LUZP1: variants seen among roughly 807,000 people sequenced by gnomAD.
The protein encoded by LUZP1 is filamin mechanobinding actin cross-linking protein.
In LUZP1, 25 loss-of-function variants were observed where a neutral mutation model predicts 71.3. The ratio of observed to expected loss-of-function variants is 0.35; its 90% CI spans 0.26 to 0.49. The LOEUF is 0.49. Ranked by LOEUF, LUZP1 falls within the 20% of genes least tolerant of loss-of-function variation. LUZP1 has a pLI of 0.99. For synonymous variants in LUZP1, 481 were observed against 506.4 expected, an observed-to-expected ratio of 0.95 and a Z score of 0.67; for missense variants, 1,142 against 1,300.8, an observed-to-expected ratio of 0.88 and a Z score of 1.88.
intron 3 of LUZP1, among the ~76,000 whole-genome samples, chr1:23,102,902 T>TATTTC (rs765987707): frequency 6.6e-6 from 1 of 152,202 alleles, no homozygotes; most frequent in Admixed American, 6.5e-5. Flanking sequence ...TTTTATTTTA[T>TATTTC]ATTTCATTTC....
chr1:23,128,014 C>T (rs1043926304), intron 2 of LUZP1, among the ~76,000 whole-genome samples: 5 of 151,950 alleles, frequency 3.3e-5, no homozygotes, highest in African/African-American at 1.2e-4. Flanking sequence ...GCCTGTAATC[C>T]CAGCTACTCG....
intron 2 of LUZP1, among the ~76,000 whole-genome samples, chr1:23,134,291 G>A (rs1457997470): frequency 6.6e-6 from 1 of 151,892 alleles, no homozygotes; most frequent in Non-Finnish European, 1.5e-5. Flanking sequence ...GACCAGCCTG[G>A]GCAACACAGC....
intron 2 of LUZP1, among the ~76,000 whole-genome samples, chr1:23,129,278 C>G (rs945928993): frequency 6.6e-6 from 1 of 152,090 alleles, no homozygotes; most frequent in African/African-American, 2.4e-5. Flanking sequence ...TATCAAAACC[C>G]AGATTATAAA....
chr1:23,131,476 A>C (rs1644214579), intron 2 of LUZP1, among the ~76,000 whole-genome samples: 1 of 152,058 alleles, frequency 6.6e-6, no homozygotes, highest in Non-Finnish European at 1.5e-5. Flanking sequence ...GTCTCTCCCA[A>C]CTAGTATGTA....
Position 23,094,069 on chromosome 1 carries a change from T to C in LUZP1, c.193A>G (p.Ile65Val), listed in dbSNP as rs1643879842. 3.1e-6 allele frequency: 5 copies of C among 1,614,174 alleles called. No individual in the cohort carries two copies. Among genetic ancestry groups the C allele is most frequent in the Non-Finnish European group, 4.2e-6 (5 of 1,180,034 alleles). Residue 65 changes from isoleucine (I) to valine (V), a missense_variant, in exon 4 of 5, where the codon ATT (isoleucine) becomes GTT (valine). Ile to Val is a conservative substitution (Grantham distance 29). Transcript: ENST00000302291. The surrounding 1 kb of genome is among the most constrained non-coding windows in gnomAD (Gnocchi z 4.7). ...AGCACCCGCTGGCGCAGCACTTCAA[T>C]CTCCGCCAACATGCTGGAGTTGCTA...
At chr1:23,157,989 G>A (rs1644433761) in intron 2 of LUZP1, among the ~76,000 whole-genome samples, 2 of 152,008 alleles carry the variant, frequency 1.3e-5, no homozygotes, top group East Asian at 1.9e-4. Flanking sequence ...TCCAGCCTGG[G>A]CAACAGAATG....
chr1:23,112,624 C>G (rs1644042933), intron 2 of LUZP1, among the ~76,000 whole-genome samples: 1 of 152,192 alleles, frequency 6.6e-6, no homozygotes, highest in African/African-American at 2.4e-5. Context: ...CAAAAACTAT[C>G]TGAAGTGAAC....
intron 1 of LUZP1, among the ~76,000 whole-genome samples, chr1:23,173,655 C>A (rs534142005): frequency 2.6e-5 from 4 of 152,164 alleles, no homozygotes; most frequent in East Asian, 3.9e-4. Context: ...CTGTGCCCAG[C>A]CTGTTTTGCT....
intron 2 of LUZP1, among the ~76,000 whole-genome samples, chr1:23,131,920 A>G (rs1644218776): frequency 6.6e-6 from 1 of 152,172 alleles, no homozygotes; most frequent in African/African-American, 2.4e-5. Context: ...TCCTGACCTC[A>G]GGTGATTCAC....
At chr1:23,099,496 AACTGTAGCATTCTCTCAGC>A (rs1200212848) in intron 3 of LUZP1, among the ~76,000 whole-genome samples, 6 of 152,198 alleles carry the variant, frequency 3.9e-5, no homozygotes, top group Admixed American at 3.9e-4. Flanking sequence ...CTTATCCTCA[AACTGTAGCATTCTCTCAGC>A]ACATCTTATT....
At chr1:23,157,033 T>G (rs534419143) in intron 2 of LUZP1, among the ~76,000 whole-genome samples, 11 of 152,326 alleles carry the variant, frequency 7.2e-5, no homozygotes, top group African/African-American at 2.4e-4. Context: ...GTCACTAAAA[T>G]AAATACATAA....
intron 3 of LUZP1, among the ~76,000 whole-genome samples, chr1:23,106,939 C>T (rs556362942): frequency 6.6e-6 from 1 of 152,338 alleles, no homozygotes; most frequent in East Asian, 1.9e-4. Flanking sequence ...GAATACAATG[C>T]ACTCCAAAGG....
At chr1:23,105,890 A>C (rs1643977376) in intron 3 of LUZP1, among the ~76,000 whole-genome samples, 3 of 152,162 alleles carry the variant, frequency 2.0e-5, no homozygotes, top group Non-Finnish European at 4.4e-5. Context: ...GGATCACATG[A>C]GAAAACATTA....
At chr1:23,175,603 C>T (rs553181539) in intron 1 of LUZP1, among the ~76,000 whole-genome samples, 1 of 152,306 alleles carries the variant, frequency 6.6e-6, no homozygotes, top group East Asian at 1.9e-4. Flanking sequence ...CCCTTTCTGT[C>T]CCTAGTACAG....
exon 5 of LUZP1, chr1:23,087,005 A>G (rs1211915270): frequency 6.6e-6 from 1 of 152,224 alleles, no homozygotes; most frequent in Non-Finnish European, 1.5e-5. Context: ...GAAGGCAGAG[A>G]AGACAAATTC....
intron 3 of LUZP1, among the ~76,000 whole-genome samples, chr1:23,100,813 T>C (rs910290060): frequency 6.6e-6 from 1 of 152,196 alleles, no homozygotes; most frequent in African/African-American, 2.4e-5. Context: ...CTATATGACT[T>C]TATTAAAGAA....
At chr1:23,098,735 A>G (rs1183663858) in intron 3 of LUZP1, among the ~76,000 whole-genome samples, 1 of 152,214 alleles carries the variant, frequency 6.6e-6, no homozygotes, top group Admixed American at 6.5e-5. Context: ...CTGAGACATA[A>G]GAGAAAAACA....
chr1:23,119,186 C>T (rs974212507), intron 2 of LUZP1, among the ~76,000 whole-genome samples: 2 of 150,830 alleles, frequency 1.3e-5, no homozygotes, highest in Non-Finnish European at 3.0e-5. Context: ...TTTGTACTGC[C>T]ATTGGCCTGG....
Position 23,152,960 on chromosome 1 carries a change from C to T in LUZP1, c.-226+15806G>A, listed in dbSNP as rs117914320. Reference sequence around the variant, plus strand: ...TTCCTTTTTCTTCCCATTCCACTTGCTAAATTCATGCCTGCAGCATAATTT... The same window carrying T: ...TTCCTTTTTCTTCCCATTCCACTTGTTAAATTCATGCCTGCAGCATAATTT... On this transcript the variant is annotated intron_variant, in intron 2 of 4. Coordinates refer to ENST00000302291, the Ensembl canonical transcript of LUZP1. Among the ~76,000 whole-genome samples the T allele has an allele frequency of 1.8e-4, 27 of 152,258 alleles. No individual in the cohort carries two copies. In the East Asian group the frequency reaches 4.8e-3, roughly 27 times the overall value.
Sources: allele counts gnomAD v4.1 joint callset (sites outside exome capture counted in the v4.1 genomes callset), GRCh38; gene constraint gnomAD v4.1.1; non-coding constraint Gnocchi (gnomAD v3.1); transcripts MANE v1.5; gene names NCBI Gene and HGNC (gene_info 2026-07-23, HGNC 2026-07-21).